The following TOGARAM1 variants were observed in gnomAD, a reference collection of about 807,000 sequenced individuals.
TOGARAM1 encodes TOG array regulator of axonemal microtubules protein 1.
TOGARAM1 carries 100 observed loss-of-function variants against 166.6 expected under a neutral mutation model. The observed-to-expected ratio is 0.60, with a 90% CI of 0.51 to 0.71. The LOEUF (loss-of-function observed/expected upper bound fraction) is 0.71, where lower values mean the gene tolerates loss of function less well. Among genes scored for constraint, TOGARAM1 ranks in the 30% least tolerant of loss-of-function variants. The pLI, the probability that TOGARAM1 is intolerant of heterozygous loss-of-function variation, is 0.00. For missense variants in TOGARAM1, 2,029 were observed against 2,102.7 expected, an observed-to-expected ratio of 0.96 and a Z score of 0.69; for synonymous variants, 758 against 763.8, an observed-to-expected ratio of 0.99 and a Z score of 0.13.
At position 45,066,608 on chromosome 14, in the gene TOGARAM1, A is replaced by G. The variant is rs1465491244; in HGVS notation, c.4590A>G (p.Arg1530=). The G allele has an allele frequency of 1.9e-6, 3 of 1,610,096 alleles. No individual in the cohort carries two copies. Among genetic ancestry groups the G allele is most frequent in the African/African-American group, 2.7e-5 (2 of 74,860 alleles). Reference sequence around the variant, plus strand: ...TAACTGAAGTTCGTGAAGTCACCAGAAAATCAGTCCCTCGTAATTCCTTAG... The same window carrying G: ...TAACTGAAGTTCGTGAAGTCACCAGGAAATCAGTCCCTCGTAATTCCTTAG... The part of the protein sequence containing the change: ...RAVTEVREVT[R]KSVPRNSLES... Residue 1530 remains arginine (R), a synonymous_variant, in exon 17 of 20, where the codon AGA becomes AGG. Transcript: ENST00000361462.
intron 1 of TOGARAM1, among the ~76,000 whole-genome samples, chr14:44,984,567 A>T (rs1176970840): frequency 6.6e-6 from 1 of 151,690 alleles, no homozygotes; most frequent in Non-Finnish European, 1.5e-5. Context: ...CTGGAGGATC[A>T]CTTGAGGCCT....
rs537164764 is a variant in TOGARAM1, at chr14:45,039,355, C to G, written c.3813-4331C>G. 1.1e-4 allele frequency among the ~76,000 whole-genome samples: 17 copies of G among 152,258 alleles called. 3 individuals carry two copies. The highest frequency in any genetic ancestry group is 3.4e-4 in the African/African-American group (14 of 41,548). On this transcript the variant is annotated intron_variant, in intron 11 of 19. Transcript: ENST00000361462. ...TAAGTTCTCACTCCAGTCTGTGGAACTAGCAGCCCACTCCCACAAGCTTCA... is the reference window on the plus strand; with the variant it reads ...TAAGTTCTCACTCCAGTCTGTGGAAGTAGCAGCCCACTCCCACAAGCTTCA...
intron 1 of TOGARAM1, among the ~76,000 whole-genome samples, chr14:44,994,533 C>T (rs1488632001): frequency 6.6e-6 from 1 of 152,040 alleles, no homozygotes; most frequent in African/African-American, 2.4e-5. Context: ...ATCCTCCTAC[C>T]TCAGCCTCCC....
intron 7 of TOGARAM1, among the ~76,000 whole-genome samples, chr14:45,025,143 A>C (rs1037491095): frequency 6.6e-6 from 1 of 152,226 alleles, no homozygotes; most frequent in Non-Finnish European, 1.5e-5. Flanking sequence ...GATTGCTGTG[A>C]CATTGACCTG....
At chr14:44,968,401 A>G (rs1238668819) in intron 1 of TOGARAM1, among the ~76,000 whole-genome samples, 2 of 152,170 alleles carry the variant, frequency 1.3e-5, no homozygotes, top group African/African-American at 4.8e-5. Flanking sequence ...CTGGGACTAC[A>G]GGCACCCGCC....
chr14:45,021,281 C>A (rs541504063), intron 7 of TOGARAM1, among the ~76,000 whole-genome samples: 2 of 152,234 alleles, frequency 1.3e-5, no homozygotes, highest in East Asian at 3.9e-4. Flanking sequence ...GGCAGAGTTA[C>A]AGCAGTTGCG....
At position 45,025,791 on chromosome 14, in the gene TOGARAM1, T is replaced by C; in HGVS notation, c.3247T>C (p.Ser1083Pro). ...TTTTGGGGGATTTACAGGGTCATCA[T>C]CAAATCCACAGCAAATTTCCAGTTT... Reference protein sequence around the residue: ...AEQSPSAGSSSNPQQISSFDF... With the variant: ...AEQSPSAGSSPNPQQISSFDF... Residue 1083 changes from serine (S) to proline (P), a missense_variant, in exon 8 of 20, where the codon TCA (serine) becomes CCA (proline). Coordinates refer to ENST00000361462, the MANE Select transcript of TOGARAM1 (RefSeq NM_001308120.2). 6.2e-7 allele frequency: 1 copy of C among 1,601,014 alleles called. No homozygotes were observed. Among genetic ancestry groups the C allele is most frequent in the Admixed American group, 1.7e-5 (1 of 59,686 alleles).
intron 11 of TOGARAM1, among the ~76,000 whole-genome samples, chr14:45,036,551 TTAA>T (rs1187080171): frequency 6.6e-6 from 1 of 152,210 alleles, no homozygotes; most frequent in Non-Finnish European, 1.5e-5. Flanking sequence ...GCAAAGAATA[TTAA>T]TGAGAGTATT....
chr14:44,967,820 C>T (rs941806363), intron 1 of TOGARAM1, among the ~76,000 whole-genome samples: 1 of 152,124 alleles, frequency 6.6e-6, no homozygotes, highest in Non-Finnish European at 1.5e-5. Context: ...TCTATGGTTC[C>T]TTTCAATCCC....
chr14:45,063,484 T>G (rs1328802457), intron 16 of TOGARAM1, among the ~76,000 whole-genome samples: 1 of 132,268 alleles, frequency 7.6e-6, no homozygotes, highest in Non-Finnish European at 1.6e-5. Context: ...ACAAAGTTTT[T>G]TTTTTTTTTT....
At chr14:44,972,231 T>C (rs1885926024) in intron 1 of TOGARAM1, among the ~76,000 whole-genome samples, 1 of 152,098 alleles carries the variant, frequency 6.6e-6, no homozygotes, top group African/African-American at 2.4e-5. Flanking sequence ...AGAGCAAATA[T>C]TGTATGATTT....
Position 44,963,696 on chromosome 14 carries a change from T to C in TOGARAM1, c.1275T>C (p.Leu425=), listed in dbSNP as rs1020732592. The C allele has an allele frequency of 2.5e-6, 4 of 1,613,778 alleles. No individual in the cohort carries two copies. Among genetic ancestry groups the C allele is most frequent in the African/African-American group, 2.7e-5 (2 of 74,930 alleles). The change falls in exon 1 of 20, where the codon CTT becomes CTC. Residue 425 remains leucine (L), a synonymous_variant. Transcript: ENST00000361462. ...LEVLHLLVIR[L]GEQVQQFLGP... is the part of the protein sequence containing the mutation. ...TCCTGCATTTACTGGTTATTCGCCT[T>C]GGAGAGCAGGTACAGCAGTTCTTGG...
chr14:45,028,968 A>G (rs1205276031), intron 10 of TOGARAM1, among the ~76,000 whole-genome samples: 2 of 152,242 alleles, frequency 1.3e-5, no homozygotes, highest in Non-Finnish European at 2.9e-5. Context: ...CAAGAAGGTT[A>G]CAAAAATACT....
intron 1 of TOGARAM1, among the ~76,000 whole-genome samples, chr14:44,977,792 T>C (rs1886293114): frequency 1.3e-5 from 2 of 151,706 alleles, no homozygotes; most frequent in Non-Finnish European, 2.9e-5. Context: ...ACTACAGGCG[T>C]GTGCCACCAT....
intron 16 of TOGARAM1, among the ~76,000 whole-genome samples, chr14:45,057,929 A>T (rs925952405): frequency 6.6e-6 from 1 of 152,212 alleles, no homozygotes; most frequent in Non-Finnish European, 1.5e-5. Flanking sequence ...TTTGGGGTCA[A>T]ATGTTCTGTA....
At position 45,068,543 on chromosome 14, in the gene TOGARAM1, C is replaced by T; in HGVS notation, c.4869C>T (p.Asn1623=). The part of the protein sequence containing the change: ...LLRDHLSPII[N]MLIPAIVDNN... The stretch of plus-strand genomic sequence containing the variant: ...GAGACCACTTATCTCCTATAATCAA[C>T]ATGCTAATTCCAGCAATAGTGGATA... The change falls in exon 18 of 20, where the codon AAC becomes AAT. Residue 1623 remains asparagine, a synonymous_variant. Coordinates refer to ENST00000361462, the MANE Select transcript of TOGARAM1 (RefSeq NM_001308120.2). 1.2e-6 allele frequency: 2 copies of T among 1,613,438 alleles called. No homozygotes were observed. Among genetic ancestry groups the T allele is most frequent in the South Asian group, 2.2e-5 (2 of 90,962 alleles).
At chr14:45,044,540 C>T in intron 12 of TOGARAM1, 95 bp from the exon 13 acceptor site, 1 of 666,050 alleles carries the variant, frequency 1.5e-6, no homozygotes, top group South Asian at 2.4e-5. Flanking sequence ...GACCCTAACT[C>T]AAAAAAAAAA....
chr14:44,997,559 T>C (rs1308664516), intron 2 of TOGARAM1, among the ~76,000 whole-genome samples: 3 of 151,816 alleles, frequency 2.0e-5, no homozygotes, highest in African/African-American at 7.3e-5. Context: ...ACTGAGAACA[T>C]GGACTAAGTG....
Position 44,995,800 on chromosome 14 carries a change from C to T in TOGARAM1, c.2101C>T (p.Pro701Ser). 6.2e-7 allele frequency: 1 copy of T among 1,601,790 alleles called. No homozygotes were observed. Among genetic ancestry groups the T allele is most frequent in the Non-Finnish European group, 8.5e-7 (1 of 1,174,846 alleles). ...SAKLKLSQGM[P>S]VNDDLCFSRK... ...AAAATTAAAGCTTTCTCAAGGAATG[C>T]CAGTCAATGATGATTTATGTTTTAG... The change falls in exon 2 of 20, where the codon CCA becomes TCA. Residue 701 changes from proline (P) to serine (S), a missense_variant. By Grantham distance (74) the Pro-to-Ser change is moderately conservative. Around this residue, in one of 2 missense-constraint regions of TOGARAM1, gnomAD observed 1,453 missense variants for 1,432.2 expected, o/e 1.01. Coordinates refer to ENST00000361462, the MANE Select transcript of TOGARAM1 (RefSeq NM_001308120.2).
Sources: allele counts gnomAD v4.1 joint callset (sites outside exome capture counted in the v4.1 genomes callset), GRCh38; gene constraint gnomAD v4.1.1; regional missense constraint gnomAD v4.1.1; transcripts MANE v1.5; gene names NCBI Gene and HGNC (gene_info 2026-07-23, HGNC 2026-07-21).